Variants in STK33 observed in about 807,000 individuals in gnomAD.
The protein encoded by STK33 is serine/threonine kinase 33, also known as serine/threonine-protein kinase 33.
In STK33, 52 loss-of-function variants were observed where a neutral mutation model predicts 58.0. The ratio of observed to expected loss-of-function variants is 0.90; its 90% CI spans 0.72 to 1.13. The LOEUF is 1.13. Among genes scored for constraint, STK33 ranks in the 50% most tolerant of loss-of-function variants. The pLI is 0.00. For synonymous variants in STK33, 215 were observed against 200.1 expected (o/e 1.07, Z -0.63); for missense variants, 630 against 604.2 (o/e 1.04, Z -0.45).
intron 1 of STK33, among the ~76,000 whole-genome samples, chr11:8,565,509 A>C (rs1410381440): frequency 6.6e-6 from 1 of 152,110 alleles, no homozygotes; most frequent in Non-Finnish European, 1.5e-5. Context: ...TCTGCCATTT[A>C]CAAGTTCTAC....
intron 15 of STK33, among the ~76,000 whole-genome samples, chr11:8,408,911 A>C (rs758809127): frequency 5.9e-5 from 9 of 152,212 alleles, no homozygotes; most frequent in Non-Finnish European, 7.3e-5. Flanking sequence ...AATGTTGCCA[A>C]CCATGGAAGC....
At chr11:8,586,143 G>C (rs1484784964) in intron 1 of STK33, among the ~76,000 whole-genome samples, 2 of 151,192 alleles carry the variant, frequency 1.3e-5, no homozygotes, top group African/African-American at 4.9e-5. Context: ...CTTGAGCCCA[G>C]GTGGCAAAGG....
chr11:8,402,765 C>G (rs1169499800), intron 15 of STK33, among the ~76,000 whole-genome samples: 2 of 152,190 alleles, frequency 1.3e-5, no homozygotes, highest in African/African-American at 2.4e-5. Context: ...CTCTTAGTTC[C>G]TGGAGTGGGC....
chr11:8,464,339 T>C (rs1275667393), intron 7 of STK33, among the ~76,000 whole-genome samples: 1 of 152,174 alleles, frequency 6.6e-6, no homozygotes, highest in Non-Finnish European at 1.5e-5. Flanking sequence ...GAGAAAAGTA[T>C]ATCAAAACAA....
chr11:8,452,707 G>C, intron 11 of STK33, 115 bp downstream of exon 11: 1 of 826,756 alleles, frequency 1.2e-6, no homozygotes, highest in Non-Finnish European at 2.0e-6. Context: ...GGGATGGCTT[G>C]AGCCCAGGAG....
At chr11:8,463,463 C>A (rs1947816388) in intron 7 of STK33, among the ~76,000 whole-genome samples, 1 of 152,176 alleles carries the variant, frequency 6.6e-6, no homozygotes, top group South Asian at 2.1e-4. Context: ...TCCTGGTGTG[C>A]AGCCTGGTTC....
chr11:8,500,051 C>G (rs956433142), intron 1 of STK33, among the ~76,000 whole-genome samples: 8 of 152,022 alleles, frequency 5.3e-5, no homozygotes, highest in African/African-American at 1.7e-4. Flanking sequence ...CACATGTACC[C>G]CAGAACTTAA....
the STK33 span, among the ~76,000 whole-genome samples, chr11:8,358,602 C>G: frequency 6.6e-6 from 1 of 152,036 alleles, no homozygotes; most frequent in African/African-American, 2.4e-5. Context: ...CTCTTCCACC[C>G]GAGGAATGGC....
At chr11:8,390,254 T>C (rs1848601453), downstream of STK33, among the ~76,000 whole-genome samples, 2 of 152,174 alleles carry the variant, frequency 1.3e-5, no homozygotes, top group Non-Finnish European at 2.9e-5. Context: ...TTGAATTCCT[T>C]GAAAATAACA....
intron 11 of STK33, among the ~76,000 whole-genome samples, chr11:8,444,806 C>G (rs1001184147): frequency 1.3e-5 from 2 of 151,962 alleles, no homozygotes; most frequent in African/African-American, 4.8e-5. Flanking sequence ...CCCAAAAAAG[C>G]AGCAGAACCA....
At chr11:8,537,520 T>C (rs1416473632) in intron 1 of STK33, among the ~76,000 whole-genome samples, 1 of 152,232 alleles carries the variant, frequency 6.6e-6, no homozygotes, top group African/African-American at 2.4e-5. Flanking sequence ...TGTCTGTTAC[T>C]GACTTTTCTC....
chr11:8,336,031 C>T, the STK33 span, among the ~76,000 whole-genome samples: 1 of 152,210 alleles, frequency 6.6e-6, no homozygotes. Context: ...GATGAAGTCC[C>T]CCGACTCTAG....
intron 1 of STK33, among the ~76,000 whole-genome samples, chr11:8,513,219 A>T (rs763238350): frequency 9.9e-5 from 15 of 152,178 alleles, no homozygotes; most frequent in Admixed American, 1.3e-4. Context: ...GCTTCTGCTC[A>T]TCAAGGAAAT....
intron 1 of STK33, among the ~76,000 whole-genome samples, chr11:8,519,349 G>C (rs1283851285): frequency 3.3e-5 from 5 of 152,188 alleles, no homozygotes; most frequent in African/African-American, 1.2e-4. Context: ...GCAGTGTATA[G>C]AGGGAAATTT....
In STK33 at chr11:8,454,787, CT is replaced by C. The variant is rs773793535; in HGVS notation, c.742del (p.Ser248AlafsTer10). On this transcript the variant is annotated frameshift_variant, in exon 10 of 16. Coordinates refer to ENST00000687296, the MANE Select transcript of STK33 (RefSeq NM_001352389.2). LOFTEE classifies it high-confidence loss of function. ...TTCATTGTTATCATCAATAAGACTG[CT>C]TTTAACCATTATATTTTCCAGTTTC... ...DLKLENIMVK[S>X]SLIDDNNEIN... 1.9e-6 allele frequency: 3 copies of C among 1,574,298 alleles called. No individual in the cohort carries two copies.
intron 1 of STK33, among the ~76,000 whole-genome samples, chr11:8,589,717 C>A (rs2032290620): frequency 6.6e-6 from 1 of 152,044 alleles, no homozygotes; most frequent in South Asian, 2.1e-4. Context: ...ATTATATGTA[C>A]CATCAAAGAG....
the STK33 span, among the ~76,000 whole-genome samples, chr11:8,350,583 C>G: frequency 6.6e-6 from 1 of 152,214 alleles, no homozygotes; most frequent in Non-Finnish European, 1.5e-5. Flanking sequence ...CAGCCACCCT[C>G]ATCTTGCACT....
At chr11:8,402,265 A>C (rs1590769612) in intron 15 of STK33, among the ~76,000 whole-genome samples, 1 of 152,338 alleles carries the variant, frequency 6.6e-6, no homozygotes, top group South Asian at 2.1e-4. Flanking sequence ...GCACATATAC[A>C]CCATGGAATA....
chr11:8,587,208 GTTTT>G (rs998226804), intron 1 of STK33, among the ~76,000 whole-genome samples: 1 of 152,202 alleles, frequency 6.6e-6, no homozygotes, highest in Admixed American at 6.5e-5. Context: ...ACTCTATGGA[GTTTT>G]TTTAATTGCA....
Sources: gnomAD v4.1 joint callset for allele counts (sites outside exome capture counted in the v4.1 genomes callset) on GRCh38, gnomAD v4.1.1 for gene constraint, MANE v1.5 for transcripts, NCBI Gene and HGNC (gene_info 2026-07-23, HGNC 2026-07-21) for gene names.